The following XPNPEP1 variants were observed in gnomAD, a reference collection of about 807,000 sequenced individuals.
The protein encoded by XPNPEP1 is X-prolyl aminopeptidase 1.
In XPNPEP1, 39 loss-of-function variants were observed where a neutral mutation model predicts 92.4. The ratio of observed to expected loss-of-function variants is 0.42; its 90% CI spans 0.33 to 0.55. XPNPEP1 has a LOEUF of 0.55. Among genes scored for constraint, XPNPEP1 ranks in the 20% least tolerant of loss-of-function variants. The pLI is 0.08. For missense variants in XPNPEP1, 654 were observed against 856.1 expected (o/e 0.76, Z 2.95); for synonymous variants, 307 against 299.4 (o/e 1.03, Z -0.26).
At chr10:109,905,760 A>G (rs990572700) in intron 3 of XPNPEP1, among the ~76,000 whole-genome samples, 5 of 152,320 alleles carry the variant, frequency 3.3e-5, no homozygotes, top group Admixed American at 2.6e-4. Context: ...TCATTTCACT[A>G]TTTTCTCAAC....
chr10:109,870,088 AG>A, intron 18 of XPNPEP1, 59 bp from the exon 19 acceptor site: 1 of 1,575,660 alleles, frequency 6.3e-7, no homozygotes, highest in Non-Finnish European at 8.7e-7. Flanking sequence ...GTCTACAGAG[AG>A]AAACTTTCAC....
At chr10:109,914,367 C>T (rs929994400) in intron 2 of XPNPEP1, among the ~76,000 whole-genome samples, 2 of 152,078 alleles carry the variant, frequency 1.3e-5, no homozygotes, top group African/African-American at 4.8e-5. Flanking sequence ...TAATGAAGGA[C>T]TATATTAGAG....
chr10:109,916,331 C>A (rs1375041679), intron 1 of XPNPEP1, among the ~76,000 whole-genome samples: 1 of 147,888 alleles, frequency 6.8e-6, no homozygotes, highest in Non-Finnish European at 1.5e-5. Context: ...GTCTAGTTTA[C>A]CTGAGGAAAA....
chr10:109,879,564 C>T (rs1336116771), intron 12 of XPNPEP1, among the ~76,000 whole-genome samples: 20 of 151,420 alleles, frequency 1.3e-4, no homozygotes, highest in African/African-American at 3.6e-4. Context: ...AGTGAGACTC[C>T]GTCTCAAAAA....
At chr10:109,917,700 A>G (rs892530164) in intron 1 of XPNPEP1, among the ~76,000 whole-genome samples, 1 of 152,220 alleles carries the variant, frequency 6.6e-6, no homozygotes, top group Non-Finnish European at 1.5e-5. Context: ...AAATCTTGAA[A>G]AGAACTCTTC....
chr10:109,910,517 C>A lies in XPNPEP1; in HGVS notation c.122-2702G>T, dbSNP rs149672364. ...CGAGATCACACCATTGCACTCCAGC[C>A]TGGGCAACAAAAGCGAAACTCTGTC... On this transcript the variant is annotated intron_variant, in intron 2 of 20. Transcript: ENST00000502935. Among the ~76,000 whole-genome samples, 1,225 of 150,830 alleles carry A rather than the reference C, an allele frequency of 8.1e-3. 9 individuals are homozygous for A. The highest frequency in any genetic ancestry group is 0.031 in the Middle Eastern group (9 of 290).
In XPNPEP1 at chr10:109,870,919, G is replaced by A. The variant is rs1232306400; in HGVS notation, c.1523-15C>T. ...AAGAAGGTGACCTGAAAGACATAAA[G>A]AGCCACTTAATTGTATTTGTACAGC... is the stretch of plus-strand genomic sequence containing the variant. On this transcript the variant is annotated splice_polypyrimidine_tract_variant and intron_variant, in intron 17 of 20. Coordinates refer to ENST00000502935, the MANE Select transcript of XPNPEP1 (RefSeq NM_020383.4). 6 of 1,611,564 alleles carry A rather than the reference G, an allele frequency of 3.7e-6. No homozygotes were observed. The highest frequency in any genetic ancestry group is 8.5e-7 in the Non-Finnish European group (1 of 1,179,034).
intron 7 of XPNPEP1, 75 bp from the exon 8 acceptor site, chr10:109,886,416 C>T: frequency 7.4e-7 from 1 of 1,350,332 alleles, no homozygotes; most frequent in Non-Finnish European, 1.0e-6. Context: ...AGAACCTACC[C>T]TAAACATCTT....
At chr10:109,898,349 T>C (rs796385070) in intron 3 of XPNPEP1, among the ~76,000 whole-genome samples, 2 of 152,224 alleles carry the variant, frequency 1.3e-5, no homozygotes, top group Non-Finnish European at 2.9e-5. Context: ...ATAGCAAACA[T>C]AAGAAACTAT....
At chr10:109,900,827 C>G (rs1849247779) in intron 3 of XPNPEP1, among the ~76,000 whole-genome samples, 2 of 152,158 alleles carry the variant, frequency 1.3e-5, no homozygotes, top group Middle Eastern at 3.2e-3. Context: ...TGGTCTTAAC[C>G]AGGCCACTGT....
chr10:109,909,491 A>G (rs965656585), intron 2 of XPNPEP1, among the ~76,000 whole-genome samples: 1 of 152,256 alleles, frequency 6.6e-6, no homozygotes, highest in Non-Finnish European at 1.5e-5. Flanking sequence ...TGTTTCATCT[A>G]TATCTATAGT....
intron 3 of XPNPEP1, among the ~76,000 whole-genome samples, chr10:109,894,345 G>A (rs1247240589): frequency 6.6e-6 from 1 of 151,910 alleles, no homozygotes; most frequent in Non-Finnish European, 1.5e-5. Context: ...CAGCCTGGGA[G>A]CATGGTGAAA....
chr10:109,879,248 A>T (rs113419738), intron 12 of XPNPEP1, among the ~76,000 whole-genome samples: 1,534 of 147,938 alleles, frequency 0.01, 24 homozygotes, highest in African/African-American at 0.036. Context: ...TCTCAAAAAT[A>T]AAAAAAAATA....
intron 1 of XPNPEP1, among the ~76,000 whole-genome samples, chr10:109,921,082 A>G (rs1310496026): frequency 1.3e-5 from 2 of 152,230 alleles, no homozygotes; most frequent in Non-Finnish European, 2.9e-5. Flanking sequence ...TGGTCTCCGC[A>G]GAGTCCAAGA....
chr10:109,903,022 CA>C (rs1170154590), intron 3 of XPNPEP1, among the ~76,000 whole-genome samples: 1 of 152,194 alleles, frequency 6.6e-6, no homozygotes, highest in Non-Finnish European at 1.5e-5. Context: ...GTCCAAAAAT[CA>C]GCTTTATGAT....
At position 109,878,049 on chromosome 10, in the gene XPNPEP1, C is replaced by T. The variant is rs369697114; in HGVS notation, c.1192G>A (p.Gly398Ser). 1 of 1,614,106 alleles carries T rather than the reference C, an allele frequency of 6.2e-7. No individual in the cohort carries two copies. The highest frequency in any genetic ancestry group is 1.3e-5 in the African/African-American group (1 of 74,930). ...FNWLEKEVPK[G>S]GVTEISAADK... ...GCAGCTGAGATCTCTGTCACACCAC[C>T]TTTGGGAACCTATGAGAAAATTGCT... is the stretch of plus-strand genomic sequence containing the variant. The change falls in exon 13 of 21, where the codon GGT becomes AGT. Residue 398 changes from glycine to serine, a missense_variant. Transcript: ENST00000502935.
rs538059840 is a variant in XPNPEP1, at chr10:109,880,324, A to G, written c.1132-86T>C. The G allele has an allele frequency of 4.7e-5, 65 of 1,396,194 alleles. No individual in the cohort carries two copies. In the South Asian group the frequency reaches 5.3e-4, roughly 11 times the overall value. 86.5% of individuals were successfully genotyped at this position (1,396,194 alleles called of 1,614,324 possible). ...AGCCTAGCCCTAATGCAATACTGAG[A>G]AGGCTGTACCTGCAGGGCCACACAT... is the stretch of plus-strand genomic sequence containing the variant. On this transcript the variant is annotated intron_variant, in intron 11 of 20. Transcript: ENST00000502935.
chr10:109,904,632 C>T (rs1849457451), intron 3 of XPNPEP1, among the ~76,000 whole-genome samples: 1 of 152,182 alleles, frequency 6.6e-6, no homozygotes, highest in African/African-American at 2.4e-5. Flanking sequence ...CTTGAATAGA[C>T]ATTTTCTCCA....
At chr10:109,871,950 A>G (rs1847508514) in intron 16 of XPNPEP1, 89 bp from the exon 17 acceptor site, 3 of 1,349,362 alleles carry the variant, frequency 2.2e-6, no homozygotes, top group Non-Finnish European at 3.1e-6. Context: ...CCTGCCTGCT[A>G]AAGTTTTTAG....
Sources: allele counts gnomAD v4.1 joint callset (sites outside exome capture counted in the v4.1 genomes callset), GRCh38; gene constraint gnomAD v4.1.1; transcripts MANE v1.5; gene names NCBI Gene and HGNC (gene_info 2026-07-23, HGNC 2026-07-21).